RBM27: variants seen among roughly 807,000 people sequenced by gnomAD.
RBM27 encodes the protein RNA binding motif protein 27.
In RBM27, 22 loss-of-function variants were observed where a neutral mutation model predicts 135.3. The ratio of observed to expected loss-of-function variants is 0.16; its 90% CI spans 0.12 to 0.23. The LOEUF (loss-of-function observed/expected upper bound fraction) is 0.23. Among genes scored for constraint, RBM27 ranks in the 10% least tolerant of loss-of-function variants. The pLI, the probability that RBM27 is intolerant of heterozygous loss-of-function variation, is 1.00. For synonymous variants in RBM27, 481 were observed against 442.4 expected (o/e 1.09, Z -1.10); for missense variants, 1,009 against 1,281.0 (o/e 0.79, Z 3.24).
At position 146,287,440 on chromosome 5, in the gene RBM27, T is replaced by C. The variant is rs1396725572; in HGVS notation, c.*1410T>C. 2 of 152,182 alleles carry C rather than the reference T, an allele frequency of 1.3e-5. No individual in the cohort carries two copies. Among genetic ancestry groups the C allele is most frequent in the East Asian group, 3.9e-4 (2 of 5,194 alleles). 9.4% of individuals were successfully genotyped at this position (152,182 alleles called of 1,614,324 possible). A position where few individuals can be genotyped will look rare whatever the true frequency, so the allele number is the denominator to read the frequency against. On this transcript the variant is annotated 3_prime_UTR_variant, in exon 21 of 21. Coordinates refer to ENST00000265271, the MANE Select transcript of RBM27 (RefSeq NM_018989.2). ...GGGAAAATAAAATGATTAATGTACC[T>C]AGGCTGTCACTTTTTCAAGGATATA...
At chr5:146,248,702 G>A (rs1314887201) in intron 8 of RBM27, among the ~76,000 whole-genome samples, 1 of 152,212 alleles carries the variant, frequency 6.6e-6, no homozygotes, top group Admixed American at 6.5e-5. Flanking sequence ...CTGAGCTCAA[G>A]GGATCCACCC....
At position 146,269,192 on chromosome 5, in the gene RBM27, T is replaced by G. The variant is rs765737441; in HGVS notation, c.2452-15T>G. 3.8e-6 allele frequency: 6 copies of G among 1,570,642 alleles called. No individual in the cohort carries two copies. In the East Asian group the frequency reaches 1.1e-4, roughly 29 times the overall value. On this transcript the variant is annotated splice_polypyrimidine_tract_variant and intron_variant, in intron 15 of 20. Coordinates refer to ENST00000265271, the MANE Select transcript of RBM27 (RefSeq NM_018989.2). ...AATTACATTATCTGTATTAATTTCT[T>G]TTTTACTTATACAGGAAGCAATGAA...
rs1757899095 is a variant in RBM27, at chr5:146,251,834, G to T, written c.1403G>T (p.Gly468Val). Reference protein sequence around the residue: ...PPRNLMGSSIGYHTSVSSPTP... With the variant: ...PPRNLMGSSIVYHTSVSSPTP... ...CGAAACCTCATGGGATCCTCCATTG[G>T]ATACCATACCTCAGTCTCCAGCCCT... Residue 468 changes from glycine to valine, a missense_variant, in exon 9 of 21, where the codon GGA becomes GTA. Gly to Val is a moderately radical substitution (Grantham distance 109). Transcript: ENST00000265271. 6.2e-7 allele frequency: 1 copy of T among 1,613,964 alleles called. No homozygotes were observed. Among genetic ancestry groups the T allele is most frequent in the Non-Finnish European group, 8.5e-7 (1 of 1,180,016 alleles).
Position 146,267,690 on chromosome 5 carries a change from C to T in RBM27, c.2373C>T (p.Ser791=). The change falls in exon 15 of 21, where the codon TCC becomes TCT. Residue 791 remains serine (S), a synonymous_variant. Transcript: ENST00000265271. The part of the protein sequence containing the change: ...TPGHPKMIYS[S]SNLKTPSKLC... ...GCCATCCAAAAATGATTTACAGCTCCTCAAACTTAAAGACACCTTCAAAGC... is the reference window on the plus strand; with the variant it reads ...GCCATCCAAAAATGATTTACAGCTCTTCAAACTTAAAGACACCTTCAAAGC... The T allele has an allele frequency of 6.2e-7, 1 of 1,602,460 alleles. No individual in the cohort carries two copies. Among genetic ancestry groups the T allele is most frequent in the Non-Finnish European group, 8.5e-7 (1 of 1,173,032 alleles).
At chr5:146,237,471 A>G in intron 8 of RBM27, 39 bp downstream of exon 8, 1 of 1,596,606 alleles carries the variant, frequency 6.3e-7, no homozygotes, top group Non-Finnish European at 8.6e-7. Flanking sequence ...GACAGGGTAT[A>G]GAAAAGCCAA....
In RBM27 at chr5:146,229,924, T is replaced by A; in HGVS notation, c.589+14T>A. 6.2e-7 allele frequency: 1 copy of A among 1,613,190 alleles called. No individual in the cohort carries two copies. The highest frequency in any genetic ancestry group is 8.5e-7 in the Non-Finnish European group (1 of 1,179,460). ...ATAGGAATGTTGGTGAGTAGATGAG[T>A]GTCCCCCTAAAAACTCTGTAGTTAT... On this transcript the variant is annotated intron_variant, in intron 5 of 20. Coordinates refer to ENST00000265271, the MANE Select transcript of RBM27 (RefSeq NM_018989.2).
chr5:146,268,943 C>G (rs1055864504), intron 15 of RBM27, among the ~76,000 whole-genome samples: 3 of 152,150 alleles, frequency 2.0e-5, no homozygotes, highest in Admixed American at 2.0e-4. Flanking sequence ...TTTGGTTTTT[C>G]TTCATAAGGA....
rs533283158 is a variant in RBM27, at chr5:146,229,789, C to T, written c.468C>T (p.Tyr156=). Residue 156 remains tyrosine, a synonymous_variant, in exon 5 of 21, where the codon TAC becomes TAT. Transcript: ENST00000265271. Reference sequence around the variant, plus strand: ...GGTACTATGAGCGGAATGAATTGTACCGTGAGAAGTATGACTGGAGAAGAG... The same window carrying T: ...GGTACTATGAGCGGAATGAATTGTATCGTGAGAAGTATGACTGGAGAAGAG... ...YDRYYERNEL[Y]REKYDWRRGR... is the part of the protein sequence containing the mutation. The T allele has an allele frequency of 2.3e-5, 37 of 1,613,370 alleles. 1 individual carries two copies. The highest frequency in any genetic ancestry group is 2.8e-5 in the Non-Finnish European group (33 of 1,179,752).
intron 19 of RBM27, 105 bp from the exon 20 acceptor site, chr5:146,284,517 A>G: frequency 2.6e-6 from 2 of 762,292 alleles, no homozygotes; most frequent in Non-Finnish European, 4.6e-6. Flanking sequence ...ACCTTAACAG[A>G]TTTCTCTCCT....
chr5:146,216,449 T>A (rs1301648480), intron 1 of RBM27, among the ~76,000 whole-genome samples: 1 of 152,206 alleles, frequency 6.6e-6, no homozygotes, highest in Non-Finnish European at 1.5e-5. Flanking sequence ...TGCTGAAATG[T>A]GCATATATAT....
At chr5:146,223,014 A>G (rs751139289) in intron 2 of RBM27, among the ~76,000 whole-genome samples, 15 of 152,102 alleles carry the variant, frequency 9.9e-5, no homozygotes, top group South Asian at 2.1e-4. Context: ...TTCTTTATGC[A>G]GATAGATAGA....
In RBM27 at chr5:146,283,910, A is replaced by G. The variant is rs543172225; in HGVS notation, c.2989-712A>G. ...TATAAATGAGGACCTTTGATAGGAA[A>G]GCTATAGGGATGGCTAAACTTCTAC... On this transcript the variant is annotated intron_variant, in intron 19 of 20. Coordinates refer to ENST00000265271, the MANE Select transcript of RBM27 (RefSeq NM_018989.2). 2.0e-5 allele frequency among the ~76,000 whole-genome samples: 3 copies of G among 152,320 alleles called. No individual in the cohort carries two copies. In the South Asian group the frequency reaches 6.2e-4, roughly 32 times the overall value.
At chr5:146,260,356 G>A (rs909817258) in intron 11 of RBM27, among the ~76,000 whole-genome samples, 3 of 151,924 alleles carry the variant, frequency 2.0e-5, no homozygotes, top group Admixed American at 1.3e-4. Flanking sequence ...AATGTTAAGG[G>A]CTCACAAAAG....
chr5:146,273,241 G>T (rs374287746), intron 19 of RBM27, among the ~76,000 whole-genome samples: 16 of 152,286 alleles, frequency 1.1e-4, no homozygotes, highest in African/African-American at 3.8e-4. Flanking sequence ...GTTCTATCCT[G>T]TGGTCACTGG....
rs987602831 is a variant in RBM27, at chr5:146,263,520, A to G, written c.2220A>G (p.Ala740=). The G allele has an allele frequency of 4.3e-6, 7 of 1,614,058 alleles. No homozygotes were observed. Among genetic ancestry groups the G allele is most frequent in the South Asian group, 1.1e-5 (1 of 91,078 alleles). ...KMMSKPQTSG[A]YVLNKVPVKH... is the part of the protein sequence containing the mutation. ...TGAGCAAACCACAGACATCAGGTGC[A>G]TATGTTCTTAACAAAGTTCCTGTTA... The change falls in exon 14 of 21, where the codon GCA becomes GCG. Residue 740 remains alanine, a synonymous_variant. Coordinates refer to ENST00000265271, the MANE Select transcript of RBM27 (RefSeq NM_018989.2).
At chr5:146,206,192 A>G (rs777696301) in intron 1 of RBM27, among the ~76,000 whole-genome samples, 1 of 152,030 alleles carries the variant, frequency 6.6e-6, no homozygotes, top group Non-Finnish European at 1.5e-5. Flanking sequence ...TTAAACATAC[A>G]TTTTATGTCT....
chr5:146,277,276 G>T (rs1326383949), intron 19 of RBM27, among the ~76,000 whole-genome samples: 1 of 152,064 alleles, frequency 6.6e-6, no homozygotes, highest in Non-Finnish European at 1.5e-5. Flanking sequence ...TCTGTCATAT[G>T]TATACATACT....
At position 146,207,903 on chromosome 5, in the gene RBM27, C is replaced by A. The variant is rs541235208; in HGVS notation, c.59+4079C>A. On this transcript the variant is annotated intron_variant, in intron 1 of 20. Coordinates refer to ENST00000265271, the MANE Select transcript of RBM27 (RefSeq NM_018989.2). ...CTCCTGACCTCAGGTGATCCGCCTC[C>A]CAAAGTGCTGGGATTACAGGCATGA... Among the ~76,000 whole-genome samples, 292 of 148,524 alleles carry A rather than the reference C, an allele frequency of 2.0e-3. 3 individuals carry two copies. The highest frequency in any genetic ancestry group is 6.9e-3 in the African/African-American group (276 of 40,210).
chr5:146,204,199 G>T (rs1043383844), intron 1 of RBM27, among the ~76,000 whole-genome samples: 1 of 152,254 alleles, frequency 6.6e-6, no homozygotes, highest in South Asian at 2.1e-4. Flanking sequence ...TTGAGATGTC[G>T]AAGGGAATAG....
Sources: allele counts gnomAD v4.1 joint callset (sites outside exome capture counted in the v4.1 genomes callset), GRCh38; gene constraint gnomAD v4.1.1; transcripts MANE v1.5; gene names NCBI Gene and HGNC (gene_info 2026-07-23, HGNC 2026-07-21).